Variants in BBS9 observed in about 807,000 individuals in gnomAD.
The protein encoded by BBS9 is protein PTHB1.
In BBS9, 89 loss-of-function variants were observed where a neutral mutation model predicts 117.7. The ratio of observed to expected loss-of-function variants is 0.76; its 90% CI spans 0.64 to 0.90. The LOEUF is 0.90. BBS9 is among the 40% of genes least tolerant of loss of function. The pLI is 0.00. For missense variants in BBS9, 982 were observed against 1,042.2 expected (o/e 0.94, Z 0.80); for synonymous variants, 379 against 370.9 (o/e 1.02, Z -0.25).
At chr7:33,547,607 T>C (rs1853618186) in intron 21 of BBS9, among the ~76,000 whole-genome samples, 1 of 152,172 alleles carries the variant, frequency 6.6e-6, no homozygotes, top group African/African-American at 2.4e-5. Context: ...ATAATGGTTT[T>C]TGACAGAGCG....
At chr7:33,139,662 G>T (rs1791127910) in intron 1 of BBS9, among the ~76,000 whole-genome samples, 1 of 151,348 alleles carries the variant, frequency 6.6e-6, no homozygotes, top group Non-Finnish European at 1.5e-5. Context: ...TGTTCTCTAG[G>T]CAGGCCCCAT....
chr7:33,268,121 CCTGG>C (rs1234058043), intron 7 of BBS9, among the ~76,000 whole-genome samples: 12 of 152,162 alleles, frequency 7.9e-5, no homozygotes, highest in Admixed American at 7.9e-4. Context: ...GGTTTTGCAG[CCTGG>C]CTGGTGGGCA....
At chr7:33,431,857 C>T (rs927117889) in intron 19 of BBS9, among the ~76,000 whole-genome samples, 2 of 152,154 alleles carry the variant, frequency 1.3e-5, no homozygotes, top group African/African-American at 4.8e-5. Flanking sequence ...TCATACTTTG[C>T]ACTGCTTTGT....
At chr7:33,567,851 GCAC>G (rs1857152501) in intron 21 of BBS9, among the ~76,000 whole-genome samples, 1 of 152,044 alleles carries the variant, frequency 6.6e-6, no homozygotes, top group Non-Finnish European at 1.5e-5. Context: ...ATTAGTACTG[GCAC>G]CTATAGGTGC....
At chr7:33,161,485 G>A (rs1794838991) in intron 4 of BBS9, among the ~76,000 whole-genome samples, 1 of 152,176 alleles carries the variant, frequency 6.6e-6, no homozygotes, top group Non-Finnish European at 1.5e-5. Context: ...ATTCCATGGT[G>A]TATATGGGCT....
chr7:33,458,782 C>T (rs1839018779), intron 19 of BBS9, among the ~76,000 whole-genome samples: 2 of 152,142 alleles, frequency 1.3e-5, no homozygotes, highest in South Asian at 4.1e-4. Flanking sequence ...CTCAGTTTCA[C>T]ACCCCGAATA....
intron 19 of BBS9, among the ~76,000 whole-genome samples, chr7:33,457,432 T>C (rs1782405382): frequency 6.6e-6 from 1 of 152,198 alleles, no homozygotes; most frequent in African/African-American, 2.4e-5. Context: ...TTTAAGACTT[T>C]CTCTGTACCA....
intron 19 of BBS9, among the ~76,000 whole-genome samples, chr7:33,467,553 G>T (rs924274664): frequency 4.9e-5 from 5 of 102,330 alleles, no homozygotes; most frequent in African/African-American, 8.0e-5. Context: ...CACCAGTGCT[G>T]TGGGAACCCC....
chr7:33,193,078 C>CT (rs1266223097), intron 5 of BBS9, among the ~76,000 whole-genome samples: 5 of 152,178 alleles, frequency 3.3e-5, no homozygotes, highest in African/African-American at 9.7e-5. Flanking sequence ...ATTTGGGCTG[C>CT]TGTGACCCAG....
intron 21 of BBS9, among the ~76,000 whole-genome samples, chr7:33,601,099 GT>G (rs1394150748): frequency 6.6e-6 from 1 of 152,212 alleles, no homozygotes; most frequent in Admixed American, 6.5e-5. Flanking sequence ...CCCTTGCGAA[GT>G]GAGGGCACTG....
intron 19 of BBS9, among the ~76,000 whole-genome samples, chr7:33,480,491 G>A (rs1357348708): frequency 1.3e-5 from 2 of 152,136 alleles, no homozygotes; most frequent in Non-Finnish European, 2.9e-5. Flanking sequence ...TTCTGATCTG[G>A]GAGTAGACAT....
intron 17 of BBS9, chr7:33,380,853 A>T (rs1397279650): frequency 6.6e-6 from 1 of 152,308 alleles, no homozygotes; most frequent in Non-Finnish European, 1.5e-5. Context: ...AAAGAGATAC[A>T]GCTGGCCAAA....
chr7:33,559,957 C>A (rs1855847636), intron 21 of BBS9, among the ~76,000 whole-genome samples: 1 of 152,156 alleles, frequency 6.6e-6, no homozygotes, highest in Admixed American at 6.5e-5. Flanking sequence ...CTGCAGCTGG[C>A]TGACTCCTGT....
intron 5 of BBS9, among the ~76,000 whole-genome samples, chr7:33,210,798 A>C (rs1787863902): frequency 6.6e-6 from 1 of 152,146 alleles, no homozygotes; most frequent in Non-Finnish European, 1.5e-5. Context: ...CTGGGATTAC[A>C]GGCATGAGCC....
chr7:33,317,569 G>T (rs1810788703), intron 9 of BBS9, among the ~76,000 whole-genome samples: 1 of 152,130 alleles, frequency 6.6e-6, no homozygotes, highest in African/African-American at 2.4e-5. Flanking sequence ...GATTAAATGA[G>T]ATAATGTGGT....
chr7:33,131,308 A>G (rs976715638), intron 1 of BBS9, among the ~76,000 whole-genome samples: 1 of 152,194 alleles, frequency 6.6e-6, no homozygotes, highest in Non-Finnish European at 1.5e-5. Context: ...CCTCCACCCT[A>G]GAACAATTGA....
intron 19 of BBS9, among the ~76,000 whole-genome samples, chr7:33,430,556 G>A (rs2128876600): frequency 6.6e-6 from 1 of 152,314 alleles, no homozygotes; most frequent in African/African-American, 2.4e-5. Flanking sequence ...AGTCACTTAT[G>A]TGGAGGGAAC....
At chr7:33,583,969 T>C (rs1860454655) in intron 21 of BBS9, among the ~76,000 whole-genome samples, 1 of 152,066 alleles carries the variant, frequency 6.6e-6, no homozygotes, top group African/African-American at 2.4e-5. Flanking sequence ...TATTAGCCAT[T>C]GTCATTATTA....
chr7:33,587,674 C>T (rs1274157671), intron 21 of BBS9, among the ~76,000 whole-genome samples: 1 of 151,942 alleles, frequency 6.6e-6, no homozygotes, highest in East Asian at 1.9e-4. Context: ...TTGGACAAAA[C>T]CTGACTTTTT....
Sources: gnomAD v4.1 joint callset for allele counts (sites outside exome capture counted in the v4.1 genomes callset) on GRCh38, gnomAD v4.1.1 for gene constraint, MANE v1.5 for transcripts, NCBI Gene and HGNC (gene_info 2026-07-23, HGNC 2026-07-21) for gene names.